Variants in RAE1 observed in about 807,000 individuals in gnomAD.
RAE1 encodes ribonucleic acid export 1.
A neutral mutation model predicts 52.7 loss-of-function variants in RAE1; 13 were observed. The ratio of observed to expected loss-of-function variants is 0.25; its 90% CI spans 0.16 to 0.39. The LOEUF (loss-of-function observed/expected upper bound fraction) is 0.39, where lower values mean the gene tolerates loss of function less well. Ranked by LOEUF, RAE1 falls within the 10% of genes least tolerant of loss-of-function variation. The pLI is 1.00. For missense variants in RAE1, 262 were observed against 459.8 expected, an observed-to-expected ratio of 0.57 and a Z score of 3.93; for synonymous variants, 164 against 153.1, an observed-to-expected ratio of 1.07 and a Z score of -0.52.
intron 8 of RAE1, 102 bp downstream of exon 8, chr20:57,368,914 A>G (rs2066995478): frequency 2.1e-6 from 2 of 932,722 alleles, no homozygotes; most frequent in Admixed American, 2.1e-5. Context: ...ACCTGTAAGT[A>G]TGTTCAAAGA....
intron 3 of RAE1, among the ~76,000 whole-genome samples, 164 bp downstream of exon 3, chr20:57,354,980 T>TA (rs1442555232): frequency 2.0e-5 from 3 of 152,248 alleles, no homozygotes; most frequent in Non-Finnish European, 4.4e-5. Flanking sequence ...TGGCAGACAT[T>TA]ATTCTTACAC....
intron 1 of RAE1, among the ~76,000 whole-genome samples, chr20:57,352,433 C>T (rs1323842271): frequency 6.6e-6 from 1 of 152,140 alleles, no homozygotes; most frequent in Admixed American, 6.5e-5. Context: ...AGGAAGCCAG[C>T]AGAGCTAGGA....
chr20:57,365,299 A>G, intron 4 of RAE1, 57 bp from the exon 5 acceptor site: 1 of 1,240,812 alleles, frequency 8.1e-7, no homozygotes, highest in Non-Finnish European at 1.2e-6. Context: ...CTAAATATAT[A>G]TATAGTTAAA....
At chr20:57,353,725 A>G in intron 1 of RAE1, among the ~76,000 whole-genome samples, 1 of 152,264 alleles carries the variant, frequency 6.6e-6, no homozygotes. Context: ...CCTACAAAAT[A>G]ATCTGCAATG....
intron 10 of RAE1, among the ~76,000 whole-genome samples, chr20:57,374,201 C>T (rs993444374): frequency 5.3e-5 from 8 of 152,134 alleles, no homozygotes; most frequent in Non-Finnish European, 1.0e-4. Flanking sequence ...GTTAACGTGC[C>T]GCCTAACTAG....
intron 4 of RAE1, chr20:57,358,961 T>TTAAA: frequency 6.9e-7 from 1 of 1,457,778 alleles, no homozygotes; most frequent in Non-Finnish European, 9.0e-7. Flanking sequence ...CTCGTCTTAT[T>TTAAA]TGTTTATATC....
At chr20:57,374,882 T>C in intron 11 of RAE1, 81 bp downstream of exon 11, 2 of 1,504,370 alleles carry the variant, frequency 1.3e-6, no homozygotes, top group Non-Finnish European at 1.8e-6. Flanking sequence ...GCCTGAGTTG[T>C]GACTCTTCTC....
At chr20:57,358,840 T>C (rs188624435) in intron 4 of RAE1, 164 of 530,080 alleles carry the variant, frequency 3.1e-4, no homozygotes, top group African/African-American at 3.1e-3. Flanking sequence ...GGTTGAATTA[T>C]GCTCCGAGGT....
At chr20:57,351,504 T>C in intron 1 of RAE1, 82 bp downstream of exon 1, 1 of 985,464 alleles carries the variant, frequency 1.0e-6, no homozygotes, top group Non-Finnish European at 1.2e-6. Context: ...GGGAGCGCGC[T>C]TCTGCGGGAT....
At chr20:57,374,361 C>T (rs546469533) in intron 10 of RAE1, among the ~76,000 whole-genome samples, 1 of 152,218 alleles carries the variant, frequency 6.6e-6, no homozygotes, top group Non-Finnish European at 1.5e-5. Flanking sequence ...GAGGTCTGCT[C>T]CTTGTTTCTT....
intron 10 of RAE1, among the ~76,000 whole-genome samples, chr20:57,374,225 T>C (rs1431231093): frequency 6.6e-6 from 1 of 152,220 alleles, no homozygotes; most frequent in Admixed American, 6.5e-5. Context: ...TGTTGTGTAT[T>C]TGTTTCTGAA....
Position 57,370,332 on chromosome 20 carries a change from C to T in RAE1, c.642+1520C>T, listed in dbSNP as rs1388238242. On this transcript the variant is annotated intron_variant, in intron 8 of 11. Transcript: ENST00000395841. Reference sequence around the variant, plus strand: ...AACAGAGCTTCATTCACTGTTCTTACAAGAAACATTTCCCCTGGCTGCTGT... The same window carrying T: ...AACAGAGCTTCATTCACTGTTCTTATAAGAAACATTTCCCCTGGCTGCTGT... Among the ~76,000 whole-genome samples, 3 of 152,208 alleles carry T rather than the reference C, an allele frequency of 2.0e-5. No homozygotes were observed. The East Asian group carries it at 5.8e-4, about 29-fold the overall frequency.
At position 57,373,588 on chromosome 20, in the gene RAE1, G is replaced by GT; in HGVS notation, c.749+8dup. 1 of 1,613,640 alleles carries GT rather than the reference G, an allele frequency of 6.2e-7. No individual in the cohort carries two copies. Among genetic ancestry groups the GT allele is most frequent in the Non-Finnish European group, 8.5e-7 (1 of 1,179,550 alleles). On this transcript the variant is annotated splice_region_variant and intron_variant, in intron 9 of 11. Transcript: ENST00000395841. ...ATATCAACCCCCCGAACCCGTAAGT[G>GT]TGACTCTGTCAGCTTGCAGATTTCA... is the stretch of plus-strand genomic sequence containing the variant.
intron 5 of RAE1, 26 bp downstream of exon 5, chr20:57,365,468 T>C: frequency 1.3e-6 from 2 of 1,512,454 alleles, no homozygotes; most frequent in Non-Finnish European, 1.8e-6. Context: ...GCAGAAAGGC[T>C]AGGCACAACT....
intron 4 of RAE1, among the ~76,000 whole-genome samples, chr20:57,360,930 G>A (rs1361260125): frequency 1.3e-5 from 2 of 150,892 alleles, no homozygotes; most frequent in Non-Finnish European, 2.9e-5. Flanking sequence ...CTGGGGTAGG[G>A]GTGTTTGCAT....
At chr20:57,360,352 T>A (rs1488981505) in intron 4 of RAE1, among the ~76,000 whole-genome samples, 1 of 152,210 alleles carries the variant, frequency 6.6e-6, no homozygotes, top group Admixed American at 6.5e-5. Context: ...CGTTTTTATG[T>A]GTATACTTGT....
chr20:57,364,017 T>C (rs1308706004), intron 4 of RAE1, among the ~76,000 whole-genome samples: 1 of 152,212 alleles, frequency 6.6e-6, no homozygotes, highest in Non-Finnish European at 1.5e-5. Flanking sequence ...ATGGAGCCCA[T>C]GTGCTTAGCA....
intron 4 of RAE1, among the ~76,000 whole-genome samples, chr20:57,356,780 A>G (rs1039160657): frequency 6.6e-6 from 1 of 152,210 alleles, no homozygotes; most frequent in African/African-American, 2.4e-5. Flanking sequence ...TGATTAAGGG[A>G]TAATTTATGA....
Position 57,351,415 on chromosome 20 carries a change from AC to A in RAE1, c.-10del, listed in dbSNP as rs1241810610. 1 of 985,108 alleles carries A rather than the reference AC, an allele frequency of 1.0e-6. No homozygotes were observed. Among genetic ancestry groups the A allele is most frequent in the South Asian group, 4.7e-5 (1 of 21,274 alleles). The allele number at this position is 985,108 out of a possible 1,614,324, so 61.0% of individuals were successfully genotyped here. A position where few individuals can be genotyped will look rare whatever the true frequency, so the allele number is the denominator to read the frequency against. Reference sequence around the variant, plus strand: ...GGCCGCCGCTTTCCGCCGGGGCGAGACCCCCAGGTAGGCCCCGTGCCGCGCG... The same window carrying A: ...GGCCGCCGCTTTCCGCCGGGGCGAGACCCCAGGTAGGCCCCGTGCCGCGCG... On this transcript the variant is annotated 5_prime_UTR_variant, in exon 1 of 12. Transcript: ENST00000395841.
Sources: gnomAD v4.1 joint callset for allele counts (sites outside exome capture counted in the v4.1 genomes callset) on GRCh38, gnomAD v4.1.1 for gene constraint, MANE v1.5 for transcripts, NCBI Gene and HGNC (gene_info 2026-07-23, HGNC 2026-07-21) for gene names.